The following VGLL4 variants were observed in gnomAD, a reference collection of about 807,000 sequenced individuals.
The protein encoded by VGLL4 is transcription cofactor vestigial-like protein 4.
Under a neutral mutation model 21.0 loss-of-function variants are expected in VGLL4, and 7 were observed. That is an observed-to-expected ratio of 0.33 (90% confidence interval 0.19 to 0.63). The LOEUF is 0.63. Among genes scored for constraint, VGLL4 ranks in the 20% least tolerant of loss-of-function variants. The probability of loss-of-function intolerance (pLI) is 0.78; values close to 1 mark genes in which losing one functional copy is unlikely to be tolerated. For synonymous variants in VGLL4, 222 were observed against 173.2 expected, an observed-to-expected ratio of 1.28 and a Z score of -2.21; for missense variants, 394 against 425.7, an observed-to-expected ratio of 0.93 and a Z score of 0.66.
chr3:11,639,188 G>A (rs1262465148), intron 1 of VGLL4, among the ~76,000 whole-genome samples: 3 of 152,238 alleles, frequency 2.0e-5, no homozygotes, highest in African/African-American at 7.2e-5. Context: ...CCAGGTCTCA[G>A]CCCCAGGGAT....
chr3:11,570,061 C>T (rs1187774177), intron 2 of VGLL4, among the ~76,000 whole-genome samples: 1 of 152,116 alleles, frequency 6.6e-6, no homozygotes, highest in Non-Finnish European at 1.5e-5. Context: ...AACTTCCTCC[C>T]AACCTTTACC....
intron 3 of VGLL4, 179 bp downstream of exon 3, chr3:11,564,618 C>G (rs1012746635): frequency 5.6e-5 from 42 of 744,308 alleles, no homozygotes; most frequent in Non-Finnish European, 8.6e-5. Flanking sequence ...GACTCCTGTT[C>G]TGCTGTCCCT....
At chr3:11,562,689 G>A (rs549420508) in intron 3 of VGLL4, among the ~76,000 whole-genome samples, 26 of 152,340 alleles carry the variant, frequency 1.7e-4, no homozygotes, top group South Asian at 1.2e-3. Context: ...GAATGGTTAC[G>A]ACATGAATGA....
intron 2 of VGLL4, among the ~76,000 whole-genome samples, chr3:11,664,532 A>G (rs2076081959): frequency 6.6e-6 from 1 of 152,196 alleles, no homozygotes; most frequent in African/African-American, 2.4e-5. Flanking sequence ...AAATTCTGTG[A>G]ATAGTTTACT....
intron 2 of VGLL4, among the ~76,000 whole-genome samples, chr3:11,661,853 A>G (rs1191006788): frequency 1.3e-5 from 2 of 152,220 alleles, no homozygotes; most frequent in African/African-American, 2.4e-5. Context: ...ACAGGACAAC[A>G]AGGGGAGATT....
At chr3:11,600,893 C>T (rs192674146) in intron 2 of VGLL4, among the ~76,000 whole-genome samples, 14 of 152,274 alleles carry the variant, frequency 9.2e-5, no homozygotes, top group South Asian at 4.1e-4. Context: ...TACCTGCACA[C>T]ACAAAGCTAC....
intron 1 of VGLL4, among the ~76,000 whole-genome samples, chr3:11,712,880 G>A (rs1320447460): frequency 6.6e-6 from 1 of 152,112 alleles, no homozygotes; most frequent in African/African-American, 2.4e-5. Flanking sequence ...CGCAAACCAT[G>A]GTATATTTGA....
intron 2 of VGLL4, among the ~76,000 whole-genome samples, chr3:11,599,270 T>G (rs1461800275): frequency 6.6e-6 from 1 of 151,898 alleles, no homozygotes; most frequent in Non-Finnish European, 1.5e-5. Flanking sequence ...AGAAAATACA[T>G]TTTATAATAT....
chr3:11,682,156 C>T (rs1279278956), intron 2 of VGLL4, among the ~76,000 whole-genome samples: 3 of 152,092 alleles, frequency 2.0e-5, no homozygotes, highest in African/African-American at 7.2e-5. Flanking sequence ...GTAATCCTAG[C>T]ACTTTGGGAG....
chr3:11,661,600 T>G (rs945069892), intron 2 of VGLL4, among the ~76,000 whole-genome samples: 57 of 151,950 alleles, frequency 3.8e-4, no homozygotes, highest in South Asian at 2.1e-4. Flanking sequence ...CCTCCTGGAG[T>G]AGCTGGGACT....
Position 11,566,325 on chromosome 3 carries a change from A to AC in VGLL4, c.273-1307dup, listed in dbSNP as rs143117996. Among the ~76,000 whole-genome samples the AC allele has an allele frequency of 3.3e-3, 495 of 152,258 alleles. 14 individuals are homozygous for AC. In the East Asian group the frequency reaches 0.078, roughly 24 times the overall value. ...CACACGGCCATCCCATGCACCCTTT[A>AC]CCTTGACTCCCGCGATGGTGACATC... On this transcript the variant is annotated intron_variant, in intron 2 of 4. Transcript: ENST00000430365.
chr3:11,613,433 C>T (rs1408032113), intron 1 of VGLL4, among the ~76,000 whole-genome samples: 1 of 152,126 alleles, frequency 6.6e-6, no homozygotes, highest in African/African-American at 2.4e-5. Flanking sequence ...CTAAACTTTC[C>T]CTCTTCTGAT....
intron 2 of VGLL4, among the ~76,000 whole-genome samples, chr3:11,570,374 A>C (rs1322335115): frequency 2.6e-5 from 4 of 152,154 alleles, no homozygotes; most frequent in African/African-American, 4.8e-5. Context: ...GATGCCGGCC[A>C]CCAAGGTCTG....
rs954557037 is a variant in VGLL4, at chr3:11,600,280, T to C, written c.272+1553A>G. The stretch of plus-strand genomic sequence containing the variant: ...TAAATTAAGTGACTTGTCCAAAGCC[T>C]CACAGCTGTTGTGTGGCAGAATCAG... On this transcript the variant is annotated intron_variant, in intron 2 of 4. Coordinates refer to ENST00000430365, the MANE Select transcript of VGLL4 (RefSeq NM_001128219.3). Among the ~76,000 whole-genome samples, 23 of 151,766 alleles carry C rather than the reference T, an allele frequency of 1.5e-4. 1 individual carries two copies. The South Asian group carries it at 2.5e-3, about 16-fold the overall frequency.
At chr3:11,630,541 G>A (rs182122468) in intron 1 of VGLL4, among the ~76,000 whole-genome samples, 98 of 152,290 alleles carry the variant, frequency 6.4e-4, no homozygotes, top group African/African-American at 2.1e-3. Context: ...AGCTACTGGG[G>A]AGGGTGAGAG....
At chr3:11,590,098 G>A (rs571296507) in intron 2 of VGLL4, among the ~76,000 whole-genome samples, 5 of 152,338 alleles carry the variant, frequency 3.3e-5, no homozygotes, top group East Asian at 3.9e-4. Context: ...TGGGACCACC[G>A]AACTTTGACC....
rs371912577 is a variant in VGLL4, at chr3:11,586,260, G to C, written c.272+15573C>G. ...AAATGTTAACAACCGATGAATGCAG[G>C]GAAGGGTATGTGAGTGTTCACTGTG... On this transcript the variant is annotated intron_variant, in intron 2 of 4. Coordinates refer to ENST00000430365, the MANE Select transcript of VGLL4 (RefSeq NM_001128219.3). 1.8e-4 allele frequency among the ~76,000 whole-genome samples: 28 copies of C among 152,318 alleles called. No homozygotes were observed. In the South Asian group the frequency reaches 5.6e-3, roughly 30 times the overall value.
chr3:11,704,383 C>CAAA (rs57593843), intron 1 of VGLL4, among the ~76,000 whole-genome samples: 66 of 69,132 alleles, frequency 9.5e-4, no homozygotes, highest in East Asian at 1.5e-3. Flanking sequence ...AACTCCGTCT[C>CAAA]AAAAAAAAAA....
chr3:11,701,121 T>A (rs2076675123), intron 2 of VGLL4, among the ~76,000 whole-genome samples: 1 of 152,114 alleles, frequency 6.6e-6, no homozygotes, highest in Non-Finnish European at 1.5e-5. Context: ...TGTAAGAATG[T>A]GATCCCCAAC....
Sources: allele counts gnomAD v4.1 joint callset (sites outside exome capture counted in the v4.1 genomes callset), GRCh38; gene constraint gnomAD v4.1.1; transcripts MANE v1.5; gene names NCBI Gene and HGNC (gene_info 2026-07-23, HGNC 2026-07-21).